Variants in SAXO1 observed in about 807,000 individuals in gnomAD.
SAXO1 encodes 4930500O09Rik.
Under a neutral mutation model 17.5 loss-of-function variants are expected in SAXO1, and 21 were observed. That is an observed-to-expected ratio of 1.20 (90% CI 0.85 to 1.72). SAXO1 has a LOEUF of 1.72. Ranked by LOEUF, SAXO1 falls within the 40% of genes most tolerant of loss-of-function variation. The pLI is 0.00. For missense variants in SAXO1, 843 were observed against 596.0 expected (o/e 1.41, Z -4.32); for synonymous variants, 274 against 216.5 (o/e 1.27, Z -2.33).
chr9:18,943,834 G>A (rs1563933441), intron 2 of SAXO1, among the ~76,000 whole-genome samples: 1 of 152,230 alleles, frequency 6.6e-6, no homozygotes, highest in Non-Finnish European at 1.5e-5. Context: ...AGAGCATCTA[G>A]GGATGCTTTC....
intron 1 of SAXO1, among the ~76,000 whole-genome samples, chr9:18,964,850 G>C (rs546557326): frequency 1.5e-3 from 235 of 152,098 alleles, no homozygotes; most frequent in Non-Finnish European, 2.9e-3. Context: ...GTGATGTTAG[G>C]GCATTGATTT....
intron 1 of SAXO1, among the ~76,000 whole-genome samples, chr9:18,981,963 G>C (rs1255724974): frequency 6.6e-6 from 1 of 152,140 alleles, no homozygotes; most frequent in Non-Finnish European, 1.5e-5. Flanking sequence ...TGACACAAGA[G>C]AATGAAGAAA....
chr9:18,941,871 C>T lies in SAXO1; in HGVS notation c.219-32G>A. On this transcript the variant is annotated intron_variant, in intron 2 of 3. Coordinates refer to ENST00000380534, the MANE Select transcript of SAXO1 (RefSeq NM_153707.4). ...GGAAGCAAGTGCATGCTGTTGGGGT[C>T]CTTGGCTTGCGATAAGGCTTATGTT... is the stretch of plus-strand genomic sequence containing the variant. 3 of 1,605,722 alleles carry T rather than the reference C, an allele frequency of 1.9e-6. No homozygotes were observed. In the South Asian group the frequency reaches 3.3e-5, roughly 18 times the overall value.
intron 1 of SAXO1, among the ~76,000 whole-genome samples, chr9:19,023,088 A>G (rs1313878466): frequency 2.0e-5 from 3 of 152,090 alleles, no homozygotes; most frequent in Non-Finnish European, 4.4e-5. Flanking sequence ...AAGTCTTTGC[A>G]AACCATTCTT....
intron 3 of SAXO1, among the ~76,000 whole-genome samples, chr9:18,940,698 G>A (rs976778850): frequency 3.9e-5 from 6 of 152,212 alleles, no homozygotes; most frequent in Non-Finnish European, 8.8e-5. Context: ...CTGGTCTCCA[G>A]TCTCATGGTC....
intron 1 of SAXO1, among the ~76,000 whole-genome samples, chr9:18,977,533 C>T (rs886379362): frequency 1.3e-5 from 2 of 152,092 alleles, no homozygotes; most frequent in African/African-American, 4.8e-5. Flanking sequence ...GGGTGGAATA[C>T]AAATTTAAAC....
At chr9:18,937,708 T>C (rs1831360693) in intron 3 of SAXO1, among the ~76,000 whole-genome samples, 1 of 152,102 alleles carries the variant, frequency 6.6e-6, no homozygotes, top group Non-Finnish European at 1.5e-5. Context: ...CTTCTGGCTT[T>C]CACCACATGA....
intron 2 of SAXO1, among the ~76,000 whole-genome samples, chr9:18,943,385 G>A (rs1393316052): frequency 6.6e-6 from 1 of 152,202 alleles, no homozygotes; most frequent in East Asian, 1.9e-4. Context: ...GGAATGGACT[G>A]AACAAGCAGC....
chr9:18,968,103 C>T (rs1348614262), intron 1 of SAXO1, among the ~76,000 whole-genome samples: 1 of 152,190 alleles, frequency 6.6e-6, no homozygotes, highest in Admixed American at 6.5e-5. Flanking sequence ...CCCAATGAGA[C>T]TAAGTGAGTA....
At chr9:18,987,629 T>G (rs1833649005) in intron 1 of SAXO1, among the ~76,000 whole-genome samples, 1 of 152,156 alleles carries the variant, frequency 6.6e-6, no homozygotes, top group Non-Finnish European at 1.5e-5. Flanking sequence ...CCTGGTATGG[T>G]AGCCCATGCC....
At chr9:18,997,092 T>A (rs533805734) in intron 1 of SAXO1, among the ~76,000 whole-genome samples, 1 of 152,056 alleles carries the variant, frequency 6.6e-6, no homozygotes, top group South Asian at 2.1e-4. Flanking sequence ...TTGGGAATGG[T>A]TGGACAGTGG....
intron 1 of SAXO1, among the ~76,000 whole-genome samples, chr9:19,019,245 A>G (rs1429752787): frequency 6.6e-6 from 1 of 152,262 alleles, no homozygotes; most frequent in African/African-American, 2.4e-5. Context: ...TCATATTAAA[A>G]TAAATGCTCT....
At position 18,969,546 on chromosome 9, in the gene SAXO1, A is replaced by G. The variant is rs1213315733; in HGVS notation, c.39-18609T>C. Among the ~76,000 whole-genome samples, 3 of 152,228 alleles carry G rather than the reference A, an allele frequency of 2.0e-5. No homozygotes were observed. The East Asian group carries it at 5.8e-4, about 29-fold the overall frequency. On this transcript the variant is annotated intron_variant, in intron 1 of 3. Coordinates refer to ENST00000380534, the MANE Select transcript of SAXO1 (RefSeq NM_153707.4). ...CTATCCAAGACTGGGTTGCTTGCACAGCACACTGTAGATTACTTTTATCAC... is the reference window on the plus strand; with the variant it reads ...CTATCCAAGACTGGGTTGCTTGCACGGCACACTGTAGATTACTTTTATCAC...
chr9:18,978,781 T>C (rs1833254783), intron 1 of SAXO1, among the ~76,000 whole-genome samples: 1 of 152,244 alleles, frequency 6.6e-6, no homozygotes, highest in Non-Finnish European at 1.5e-5. Context: ...ACCTGAGTCC[T>C]GTCAGAGAAG....
At chr9:18,968,680 G>A (rs531856868) in intron 1 of SAXO1, among the ~76,000 whole-genome samples, 58 of 150,838 alleles carry the variant, frequency 3.8e-4, no homozygotes, top group African/African-American at 1.3e-3. Flanking sequence ...TGCAACCTCC[G>A]CCTCTCAGGT....
At chr9:19,038,154 T>G (rs1835988748), upstream of SAXO1, among the ~76,000 whole-genome samples, 1 of 152,220 alleles carries the variant, frequency 6.6e-6, no homozygotes, top group South Asian at 2.1e-4. Context: ...TTTACACTGT[T>G]GGTGGGACTG....
chr9:18,933,874 G>GCCA (rs1831167865), intron 3 of SAXO1, among the ~76,000 whole-genome samples: 1 of 152,020 alleles, frequency 6.6e-6, no homozygotes, highest in East Asian at 1.9e-4. Context: ...GTGAAACCCT[G>GCCA]TCTCTACTAA....
intron 2 of SAXO1, among the ~76,000 whole-genome samples, chr9:18,948,459 G>A (rs1831885363): frequency 1.3e-5 from 2 of 152,170 alleles, no homozygotes; most frequent in African/African-American, 2.4e-5. Flanking sequence ...AATTCTTGCA[G>A]AATCTGCTTT....
chr9:18,947,468 C>T (rs1831847075), intron 2 of SAXO1, among the ~76,000 whole-genome samples: 1 of 152,158 alleles, frequency 6.6e-6, no homozygotes, highest in African/African-American at 2.4e-5. Context: ...TCTATCTCCT[C>T]ACTCTGTGCC....
Sources: allele counts gnomAD v4.1 joint callset (sites outside exome capture counted in the v4.1 genomes callset), GRCh38; gene constraint gnomAD v4.1.1; transcripts MANE v1.5; gene names NCBI Gene and HGNC (gene_info 2026-07-23, HGNC 2026-07-21).